Variants in ACOT11 observed in about 807,000 individuals in gnomAD.
ACOT11 encodes acyl-CoA thioesterase 11, also known as acyl-coenzyme A thioesterase 11.
Under a neutral mutation model 77.5 loss-of-function variants are expected in ACOT11, and 69 were observed. The ratio of observed to expected loss-of-function variants is 0.89; its 90% CI spans 0.73 to 1.09. The LOEUF (loss-of-function observed/expected upper bound fraction) is 1.09. Ranked by LOEUF, ACOT11 falls within the 50% of genes least tolerant of loss-of-function variation. The pLI, the probability that ACOT11 is intolerant of heterozygous loss-of-function variation, is 0.00. For synonymous variants in ACOT11, 279 were observed against 313.0 expected (o/e 0.89, Z 1.15); for missense variants, 766 against 813.7 (o/e 0.94, Z 0.71).
chr1:54,614,967 C>A, downstream of ACOT11: 2 of 1,073,896 alleles, frequency 1.9e-6, no homozygotes, highest in Non-Finnish European at 2.7e-6. Flanking sequence ...TGTGCGTGCA[C>A]AGTGGAGTCA....
intron 10 of ACOT11, among the ~76,000 whole-genome samples, 158 bp downstream of exon 10, chr1:54,602,882 C>A (rs1179870714): frequency 6.6e-6 from 1 of 152,230 alleles, no homozygotes; most frequent in Non-Finnish European, 1.5e-5. Context: ...CAGCGGTCTT[C>A]TGGCCTGTTG....
At chr1:54,588,113 A>G (rs1654571748) in intron 3 of ACOT11, among the ~76,000 whole-genome samples, 1 of 151,948 alleles carries the variant, frequency 6.6e-6, no homozygotes, top group Non-Finnish European at 1.5e-5. Flanking sequence ...CTGAGGTGGG[A>G]GGATCACTTG....
downstream of ACOT11, chr1:54,614,738 G>T: frequency 1.2e-6 from 2 of 1,613,988 alleles, no homozygotes; most frequent in Non-Finnish European, 1.7e-6. Context: ...GCATGTTGGG[G>T]CCCTTTAAGA....
chr1:54,619,253 A>G (rs983968166), intron 15 of ACOT11, among the ~76,000 whole-genome samples: 3 of 152,198 alleles, frequency 2.0e-5, no homozygotes, highest in Non-Finnish European at 2.9e-5. Flanking sequence ...CGTGAACATT[A>G]TCTACTGAGC....
At chr1:54,567,739 G>A (rs912886046) in intron 1 of ACOT11, among the ~76,000 whole-genome samples, 3 of 152,058 alleles carry the variant, frequency 2.0e-5, no homozygotes, top group Non-Finnish European at 2.9e-5. Flanking sequence ...TCTCACACAC[G>A]TGGAGTCCTT....
chr1:54,606,681 G>A (rs1375967060), intron 13 of ACOT11, among the ~76,000 whole-genome samples: 1 of 152,226 alleles, frequency 6.6e-6, no homozygotes, highest in African/African-American at 2.4e-5. Flanking sequence ...AGTGACACAT[G>A]TAAAGCATTT....
At position 54,567,122 on chromosome 1, in the gene ACOT11, T is replaced by C. The variant is rs1225951551; in HGVS notation, c.34-17533T>C. ...CCAGTGAGCTCCAGGCCTGAGTTCC[T>C]TGATTCCTCTCTTTAAATGTTTAAT... is the stretch of plus-strand genomic sequence containing the variant. On this transcript the variant is annotated intron_variant, in intron 1 of 15. Transcript: ENST00000343744. 4.6e-5 allele frequency among the ~76,000 whole-genome samples: 7 copies of C among 152,304 alleles called. 1 individual carries two copies. In the East Asian group the frequency reaches 1.3e-3, roughly 29 times the overall value.
chr1:54,551,460 G>A (rs1017182622), intron 1 of ACOT11, among the ~76,000 whole-genome samples: 8 of 152,162 alleles, frequency 5.3e-5, no homozygotes, highest in Non-Finnish European at 1.0e-4. Flanking sequence ...TCCCTGTCCC[G>A]CTTCAATCCT....
intron 1 of ACOT11, among the ~76,000 whole-genome samples, chr1:54,568,914 T>TG (rs1344605984): frequency 3.3e-5 from 5 of 151,924 alleles, no homozygotes; most frequent in African/African-American, 1.2e-4. Flanking sequence ...TTTACCAGAC[T>TG]GGGCAACATG....
chr1:54,605,118 C>T lies in ACOT11; in HGVS notation c.1279C>T (p.His427Tyr), dbSNP rs1644009540. Reference sequence around the variant, plus strand: ...GGAGGATGACAAGTTCCTCTCCTTCCACATGGAGATGGTGGTGCATGTGGA... The same window carrying T: ...GGAGGATGACAAGTTCCTCTCCTTCTACATGGAGATGGTGGTGCATGTGGA... ...TLEDDKFLSF[H>Y]MEMVVHVDAA... Residue 427 changes from histidine to tyrosine, a missense_variant, in exon 13 of 16, where the codon CAC becomes TAC. Transcript: ENST00000343744. 3 of 1,613,888 alleles carry T rather than the reference C, an allele frequency of 1.9e-6. No homozygotes were observed. The highest frequency in any genetic ancestry group is 2.2e-5 in the East Asian group (1 of 44,898).
intron 15 of ACOT11, among the ~76,000 whole-genome samples, chr1:54,620,978 G>A (rs1375310277): frequency 1.3e-5 from 2 of 151,038 alleles, no homozygotes; most frequent in South Asian, 4.2e-4. Flanking sequence ...TGGGCAACAT[G>A]GCGAAACCCC....
At chr1:54,606,912 T>C (rs1178392295) in intron 13 of ACOT11, among the ~76,000 whole-genome samples, 2 of 152,256 alleles carry the variant, frequency 1.3e-5, no homozygotes, top group Non-Finnish European at 2.9e-5. Flanking sequence ...GTTCATTTAC[T>C]TGCATGCATG....
rs181256253 is a variant in ACOT11, at chr1:54,570,227, G to A, written c.34-14428G>A. Among the ~76,000 whole-genome samples the A allele has an allele frequency of 5.7e-3, 863 of 152,344 alleles. 3 individuals carry two copies. The highest frequency in any genetic ancestry group is 0.044 in the Middle Eastern group (13 of 294). ...GAGTCTGGTTAGACCATATGTGGGC[G>A]TCTGCGGGAGGCTTCGTAGAGTGCC... On this transcript the variant is annotated intron_variant, in intron 1 of 15. Transcript: ENST00000343744.
intron 15 of ACOT11, chr1:54,628,574 A>G (rs904114132): frequency 8.0e-6 from 1 of 124,912 alleles, no homozygotes. Flanking sequence ...TATCCTGGGC[A>G]TCAGAGCAAG....
At chr1:54,551,743 G>A (rs1291942657) in intron 1 of ACOT11, among the ~76,000 whole-genome samples, 2 of 149,986 alleles carry the variant, frequency 1.3e-5, no homozygotes, top group Non-Finnish European at 3.0e-5. Flanking sequence ...TTTTGTTTTT[G>A]TTTTTGTTTT....
chr1:54,577,735 A>G (rs1038730868), intron 1 of ACOT11, among the ~76,000 whole-genome samples: 3 of 152,184 alleles, frequency 2.0e-5, no homozygotes, highest in African/African-American at 7.2e-5. Context: ...AAGAACTGCT[A>G]AACTGTTTTT....
At chr1:54,625,176 C>CACTTGGACGAACAAGAGTGTAGCTCTGGT in intron 15 of ACOT11, among the ~76,000 whole-genome samples, 1 of 151,380 alleles carries the variant, frequency 6.6e-6, no homozygotes, top group South Asian at 2.1e-4. Context: ...GGAGCCCAGG[C>CACTTGGACGAACAAGAGTGTAGCTCTGGT]TCAATTCTCA....
chr1:54,601,418 G>A lies in ACOT11; in HGVS notation c.1029+5G>A, dbSNP rs773397398. The A allele has an allele frequency of 1.2e-6, 2 of 1,610,738 alleles. No individual in the cohort carries two copies. The highest frequency in any genetic ancestry group is 1.7e-6 in the Non-Finnish European group (2 of 1,179,700). The stretch of plus-strand genomic sequence containing the variant: ...TGGATTCGGCCCCAGCCCGGCGTAA[G>A]TGGGACCAGCGCCCTGCCCCACCAG... On this transcript the variant is annotated splice_donor_5th_base_variant and intron_variant, in intron 9 of 15. Transcript: ENST00000343744.
rs748866022 is a variant in ACOT11, at chr1:54,632,063, G to GA, written c.1782+1183dup. Reference sequence around the variant, plus strand: ...CGTGGTCATACTAAAAAAGAATGTAGAAAAAATCAGCGAGTCAGGCCACCA... The same window carrying GA: ...CGTGGTCATACTAAAAAAGAATGTAGAAAAAAATCAGCGAGTCAGGCCACCA... On this transcript the variant is annotated intron_variant, in intron 16 of 16. Transcript: ENST00000371316. Among the ~76,000 whole-genome samples, 353 of 151,970 alleles carry GA rather than the reference G, an allele frequency of 2.3e-3. 1 individual carries two copies. The highest frequency in any genetic ancestry group is 4.2e-3 in the Non-Finnish European group (282 of 67,902).
Sources: gnomAD v4.1 joint callset for allele counts (sites outside exome capture counted in the v4.1 genomes callset) on GRCh38, gnomAD v4.1.1 for gene constraint, MANE v1.5 for transcripts, NCBI Gene and HGNC (gene_info 2026-07-23, HGNC 2026-07-21) for gene names.